Variants in MACROD2 observed in about 807,000 individuals in gnomAD.
MACROD2 encodes the protein ADP-ribose glycohydrolase MACROD2.
MACROD2 carries 36 observed loss-of-function variants against 70.4 expected under a neutral mutation model. The ratio of observed to expected loss-of-function variants is 0.51; its 90% CI spans 0.39 to 0.68. MACROD2 has a LOEUF of 0.68. Among genes scored for constraint, MACROD2 ranks in the 30% least tolerant of loss-of-function variants. The pLI is 0.00. For synonymous variants in MACROD2, 172 were observed against 178.8 expected (o/e 0.96, Z 0.30); for missense variants, 496 against 538.4 (o/e 0.92, Z 0.78).
intron 4 of MACROD2, among the ~76,000 whole-genome samples, chr20:14,504,632 CAG>C (rs1000028291): frequency 1.3e-5 from 2 of 152,176 alleles, no homozygotes; most frequent in African/African-American, 4.8e-5. Flanking sequence ...CTTTACCCCT[CAG>C]AGTTATTTCC....
Position 14,692,255 on chromosome 20 carries a change from G to C in MACROD2, c.418+7296G>C, listed in dbSNP as rs891213386. On this transcript the variant is annotated intron_variant, in intron 5 of 17. Transcript: ENST00000684519. ...CTCAAGTGTGAGGGCCATTGCCCTA[G>C]AGAGTGGTGGAATCCAGTAGCACCC... is the stretch of plus-strand genomic sequence containing the variant. Among the ~76,000 whole-genome samples, 4 of 152,288 alleles carry C rather than the reference G, an allele frequency of 2.6e-5. No homozygotes were observed. The East Asian group carries it at 7.7e-4, about 29-fold the overall frequency.
intron 6 of MACROD2, among the ~76,000 whole-genome samples, chr20:15,331,958 A>G (rs1467892556): frequency 1.3e-5 from 2 of 151,498 alleles, no homozygotes; most frequent in African/African-American, 4.9e-5. Context: ...GTATATATCG[A>G]CCTGAAAGTG....
At chr20:15,258,428 A>G (rs1056176345) in intron 6 of MACROD2, among the ~76,000 whole-genome samples, 1 of 152,104 alleles carries the variant, frequency 6.6e-6, no homozygotes, top group East Asian at 1.9e-4. Context: ...CTTTTATACC[A>G]TACTTTTACT....
intron 5 of MACROD2, among the ~76,000 whole-genome samples, chr20:14,802,015 C>T (rs1238782056): frequency 6.6e-6 from 1 of 152,022 alleles, no homozygotes; most frequent in Non-Finnish European, 1.5e-5. Context: ...CTAGAAACAT[C>T]AGGAACATAG....
At chr20:15,230,148 C>A in intron 6 of MACROD2, 87 bp downstream of exon 6, 1 of 1,313,944 alleles carries the variant, frequency 7.6e-7, no homozygotes, top group Non-Finnish European at 1.0e-6. Context: ...GGTAGGAAAC[C>A]ATTTCCAAAC....
intron 1 of MACROD2, among the ~76,000 whole-genome samples, chr20:14,000,999 C>G (rs181789035): frequency 6.6e-6 from 1 of 152,244 alleles, no homozygotes; most frequent in African/African-American, 2.4e-5. Flanking sequence ...CTGAAATGTT[C>G]TTTTTACCTC....
chr20:14,493,503 G>T lies in MACROD2; in HGVS notation c.296G>T (p.Gly99Val). ...NAANASLLGG[G>V]GVDGCIHRAA... is the part of the protein sequence containing the mutation. ...GCAAATGCCAGTCTTCTTGGAGGAG[G>T]AGGTGGTAAGTCCTGAACATCACTT... Residue 99 changes from glycine to valine, a missense_variant, in exon 4 of 18, where the codon GGA becomes GTA. Gly to Val is a moderately radical substitution (Grantham distance 109). Transcript: ENST00000684519. 6.2e-7 allele frequency: 1 copy of T among 1,608,780 alleles called. No individual in the cohort carries two copies. The highest frequency in any genetic ancestry group is 8.5e-7 in the Non-Finnish European group (1 of 1,176,336).
intron 12 of MACROD2, among the ~76,000 whole-genome samples, chr20:15,962,643 A>G (rs1205201211): frequency 6.6e-6 from 1 of 152,228 alleles, no homozygotes; most frequent in Admixed American, 6.5e-5. Context: ...CCTAATTTGA[A>G]AATCCAAAAT....
intron 2 of MACROD2, among the ~76,000 whole-genome samples, chr20:14,036,852 G>A (rs1021746863): frequency 3.3e-5 from 5 of 152,130 alleles, no homozygotes; most frequent in African/African-American, 9.7e-5. Flanking sequence ...TTGTAGAGAC[G>A]GGGTTTTGCC....
At chr20:14,820,213 A>G (rs796347391) in intron 5 of MACROD2, among the ~76,000 whole-genome samples, 102 of 152,130 alleles carry the variant, frequency 6.7e-4, no homozygotes, top group African/African-American at 2.1e-3. Flanking sequence ...GGCCTTTAAG[A>G]AGACTGCCTA....
chr20:14,203,254 A>C (rs887316207), intron 3 of MACROD2, among the ~76,000 whole-genome samples: 2 of 147,884 alleles, frequency 1.4e-5, no homozygotes, highest in Non-Finnish European at 3.0e-5. Context: ...TTAAACATCT[A>C]TCTCTTTATT....
intron 3 of MACROD2, among the ~76,000 whole-genome samples, chr20:14,412,416 A>T (rs2083759787): frequency 7.0e-6 from 1 of 142,890 alleles, no homozygotes; most frequent in Non-Finnish European, 1.6e-5. Context: ...ATTGGCAGTG[A>T]TTCATAGGAG....
chr20:14,439,655 A>G (rs1055536369), intron 3 of MACROD2, among the ~76,000 whole-genome samples: 2 of 152,112 alleles, frequency 1.3e-5, no homozygotes, highest in Non-Finnish European at 2.9e-5. Flanking sequence ...TAATCTCTCT[A>G]TGCCTCAGTT....
At chr20:15,725,064 A>C (rs1156924591) in intron 8 of MACROD2, among the ~76,000 whole-genome samples, 1 of 152,218 alleles carries the variant, frequency 6.6e-6, no homozygotes. Context: ...CCTGGGCGAC[A>C]GAGTGAGACT....
intron 3 of MACROD2, among the ~76,000 whole-genome samples, chr20:14,275,782 C>G (rs1346653261): frequency 6.6e-6 from 1 of 151,804 alleles, no homozygotes; most frequent in Non-Finnish European, 1.5e-5. Flanking sequence ...AACAAATTTA[C>G]AAGAAAAAAA....
chr20:14,841,932 A>AT (rs1046838443), intron 5 of MACROD2, among the ~76,000 whole-genome samples: 46 of 151,960 alleles, frequency 3.0e-4, no homozygotes, highest in African/African-American at 1.1e-3. Flanking sequence ...ATTCTTAGTG[A>AT]TTTTTTTATA....
At chr20:14,525,021 A>G (rs1027767371) in intron 4 of MACROD2, among the ~76,000 whole-genome samples, 2 of 152,256 alleles carry the variant, frequency 1.3e-5, no homozygotes, top group Non-Finnish European at 2.9e-5. Flanking sequence ...TTGAAAACGC[A>G]GGGTGATATG....
chr20:14,689,070 C>G (rs1364906282), intron 5 of MACROD2, among the ~76,000 whole-genome samples: 5 of 152,112 alleles, frequency 3.3e-5, no homozygotes, highest in Non-Finnish European at 7.3e-5. Context: ...GTGCTTCCCC[C>G]ACTCACACAG....
intron 8 of MACROD2, among the ~76,000 whole-genome samples, chr20:15,726,134 A>G (rs1344178636): frequency 1.3e-5 from 2 of 151,956 alleles, no homozygotes; most frequent in East Asian, 1.9e-4. Flanking sequence ...CTTTGTGACC[A>G]TGTGTGTTAA....
Sources: gnomAD v4.1 joint callset for allele counts (sites outside exome capture counted in the v4.1 genomes callset) on GRCh38, gnomAD v4.1.1 for gene constraint, MANE v1.5 for transcripts, NCBI Gene and HGNC (gene_info 2026-07-23, HGNC 2026-07-21) for gene names.